TM6SF1: variants seen among roughly 807,000 people sequenced by gnomAD.
TM6SF1 encodes the protein transmembrane 6 superfamily member 1.
In TM6SF1, 43 loss-of-function variants were observed where a neutral mutation model predicts 47.1. That is an observed-to-expected ratio of 0.91 (90% CI 0.72 to 1.18). The LOEUF is 1.18. Among genes scored for constraint, TM6SF1 ranks in the 50% most tolerant of loss-of-function variants. The probability of loss-of-function intolerance (pLI) is 0.00; values close to 1 mark genes in which losing one functional copy is unlikely to be tolerated. For synonymous variants in TM6SF1, 177 were observed against 166.3 expected (o/e 1.06, Z -0.49); for missense variants, 390 against 449.0 (o/e 0.87, Z 1.19).
In TM6SF1 at chr15:83,107,747, T is replaced by C; in HGVS notation, c.67T>C (p.Phe23Leu). ...SLSAIPVTYV[F>L]NHLAAQHDSW... ...CTCGGCCATCCCGGTCACCTATGTC[T>C]TCAACCACCTGGCGGCCCAGCATGA... The change falls in exon 1 of 10, where the codon TTC becomes CTC. Residue 23 changes from phenylalanine to leucine, a missense_variant. Coordinates refer to ENST00000322019, the MANE Select transcript of TM6SF1 (RefSeq NM_023003.5). This position sits in a 1 kb window ranked among gnomAD's most constrained non-coding sequence, Gnocchi z 5.6. The C allele has an allele frequency of 1.3e-6, 2 of 1,583,794 alleles. No homozygotes were observed. Among genetic ancestry groups the C allele is most frequent in the South Asian group, 1.1e-5 (1 of 87,572 alleles).
chr15:83,132,241 T>G (rs144378689), intron 9 of TM6SF1: 1 of 152,360 alleles, frequency 6.6e-6, no homozygotes, highest in East Asian at 1.9e-4. Flanking sequence ...AGATTCCCAG[T>G]AAGAATTTGG....
chr15:83,124,530 A>G (rs1158630593), intron 6 of TM6SF1, 142 bp from the exon 7 acceptor site: 3 of 619,542 alleles, frequency 4.8e-6, no homozygotes, highest in Admixed American at 3.2e-5. Flanking sequence ...TGATTTTCCT[A>G]AAGTTCCATG....
intron 9 of TM6SF1, 25 bp from the exon 10 acceptor site, chr15:83,136,455 CA>C: frequency 1.3e-6 from 2 of 1,526,192 alleles, no homozygotes; most frequent in South Asian, 1.3e-5. Context: ...CATGCTTACT[CA>C]ATTTTTTTTT....
chr15:83,123,014 T>C (rs527528546), intron 6 of TM6SF1, 136 bp downstream of exon 6: 99 of 952,796 alleles, frequency 1.0e-4, no homozygotes, highest in Admixed American at 1.1e-4. Flanking sequence ...GTTTTGATTA[T>C]GTAGCATTAG....
Position 83,112,841 on chromosome 15 carries a change from T to C in TM6SF1, c.137T>C (p.Val46Ala). Residue 46 changes from valine (V) to alanine (A), a missense_variant, in exon 2 of 10, where the codon GTA becomes GCA. By Grantham distance (64) the Val-to-Ala change is moderately conservative. Coordinates refer to ENST00000322019, the MANE Select transcript of TM6SF1 (RefSeq NM_023003.5). ...GTTGCTGCCCTCATCCTGTTCCTGG[T>C]AGCACTGCTGGCTCGTGTCCTCGTC... is the stretch of plus-strand genomic sequence containing the variant. ...VGVAALILFL[V>A]ALLARVLVKR... 1 of 1,614,134 alleles carries C rather than the reference T, an allele frequency of 6.2e-7. No individual in the cohort carries two copies. Among genetic ancestry groups the C allele is most frequent in the African/African-American group, 1.3e-5 (1 of 75,042 alleles).
rs188455856 is a variant in TM6SF1, at chr15:83,119,152, C to T, written c.295-426C>T. ...GTGCCATGCCCAGCCCAGCAAGCCA[C>T]GGGATCAGCATGAATTATTAAGGCC... On this transcript the variant is annotated intron_variant, in intron 3 of 9. Coordinates refer to ENST00000322019, the MANE Select transcript of TM6SF1 (RefSeq NM_023003.5). Among the ~76,000 whole-genome samples the T allele has an allele frequency of 3.4e-4, 52 of 152,286 alleles. No individual in the cohort carries two copies. The South Asian group carries it at 3.7e-3, about 11-fold the overall frequency.
intron 1 of TM6SF1, among the ~76,000 whole-genome samples, chr15:83,108,849 G>A (rs1311133630): frequency 6.6e-6 from 1 of 152,210 alleles, no homozygotes; most frequent in Non-Finnish European, 1.5e-5. Context: ...CACACTGAGT[G>A]CTCACCAGGC....
chr15:83,130,037 G>C (rs1402846931), intron 9 of TM6SF1: 1 of 152,276 alleles, frequency 6.6e-6, no homozygotes, highest in African/African-American at 2.4e-5. Context: ...TGCACAATCA[G>C]GCCTCCTCTG....
At chr15:83,109,775 G>A (rs190562342) in intron 1 of TM6SF1, among the ~76,000 whole-genome samples, 4 of 152,284 alleles carry the variant, frequency 2.6e-5, no homozygotes, top group African/African-American at 9.6e-5. Flanking sequence ...GCACCAGCCT[G>A]CCTTTGCTCC....
intron 4 of TM6SF1, 101 bp downstream of exon 4, chr15:83,119,782 A>G: frequency 6.4e-7 from 1 of 1,559,214 alleles, no homozygotes; most frequent in Non-Finnish European, 8.7e-7. Context: ...AAGCAGGTAT[A>G]CTGGACATGA....
At chr15:83,129,167 A>T (rs1191041279) in intron 9 of TM6SF1, 5 of 147,366 alleles carry the variant, frequency 3.4e-5, no homozygotes, top group Non-Finnish European at 7.5e-5. Flanking sequence ...TCTCCAACCC[A>T]TTTTTTTTTT....
Position 83,136,784 on chromosome 15 carries a change from A to C in TM6SF1, c.*112A>C. The stretch of plus-strand genomic sequence containing the variant: ...TACGTGAGTACTTAAGAATATGTAC[A>C]TTCTTGCTCTGCACTGTATGTGTGA... On this transcript the variant is annotated 3_prime_UTR_variant, in exon 10 of 10. Coordinates refer to ENST00000322019, the MANE Select transcript of TM6SF1 (RefSeq NM_023003.5). The C allele has an allele frequency of 1.1e-6, 1 of 924,388 alleles. No individual in the cohort carries two copies. Among genetic ancestry groups the C allele is most frequent in the Middle Eastern group, 3.5e-4 (1 of 2,842 alleles). The allele number at this position is 924,388 out of a possible 1,614,324, so 57.3% of individuals were successfully genotyped here.
chr15:83,133,579 T>C (rs1260867635), intron 9 of TM6SF1: 1 of 152,248 alleles, frequency 6.6e-6, no homozygotes, highest in Non-Finnish European at 1.5e-5. Context: ...CTCACATTGC[T>C]AAATTCTGGA....
chr15:83,112,954 C>T, intron 2 of TM6SF1, 54 bp downstream of exon 2: 2 of 1,387,034 alleles, frequency 1.4e-6, no homozygotes, highest in Non-Finnish European at 2.1e-6. Flanking sequence ...ACAATACTTT[C>T]AGCCTCAGTC....
At position 83,124,674 on chromosome 15, in the gene TM6SF1, T is replaced by A. The variant is rs1472420648; in HGVS notation, c.606T>A (p.Val202=). ...TTTAGGTACAAACTCTATTTTAGGT[T>A]ATTCAAGAAGCCCAAGCGAAAGACC... ...PSENYNYPSK[V]IQEAQAKDLL... The change falls in exon 7 of 10, where the codon GTT becomes GTA. Residue 202 remains valine, a splice_region_variant and synonymous_variant. Coordinates refer to ENST00000322019, the MANE Select transcript of TM6SF1 (RefSeq NM_023003.5). The A allele has an allele frequency of 1.9e-6, 3 of 1,613,702 alleles. No individual in the cohort carries two copies. Among genetic ancestry groups the A allele is most frequent in the African/African-American group, 1.3e-5 (1 of 74,914 alleles).
At chr15:83,115,674 G>A (rs1016217515) in intron 2 of TM6SF1, 171 bp from the exon 3 acceptor site, 1 of 698,638 alleles carries the variant, frequency 1.4e-6, no homozygotes. Flanking sequence ...GAACACAGGT[G>A]GAGGTCCAGC....
chr15:83,116,012 C>A, intron 3 of TM6SF1, 70 bp downstream of exon 3: 2 of 1,191,622 alleles, frequency 1.7e-6, no homozygotes, highest in South Asian at 1.2e-5. Flanking sequence ...TACTCAGAGA[C>A]AGAAATCCTC....
At chr15:83,124,876 CT>C in intron 7 of TM6SF1, 100 bp downstream of exon 7, 2 of 1,019,252 alleles carry the variant, frequency 2.0e-6, no homozygotes, top group Non-Finnish European at 3.0e-6. Flanking sequence ...CATCAGACTT[CT>C]TAGCAAACTA....
At chr15:83,108,209 T>C (rs1192781437) in intron 1 of TM6SF1, among the ~76,000 whole-genome samples, 2 of 152,250 alleles carry the variant, frequency 1.3e-5, no homozygotes, top group East Asian at 3.9e-4. Context: ...TCATTTCTTA[T>C]TAATTTTAGA....
Sources: allele counts gnomAD v4.1 joint callset (sites outside exome capture counted in the v4.1 genomes callset), GRCh38; gene constraint gnomAD v4.1.1; non-coding constraint Gnocchi (gnomAD v3.1); transcripts MANE v1.5; gene names NCBI Gene and HGNC (gene_info 2026-07-23, HGNC 2026-07-21).